Variants in POU2F2 observed in about 807,000 individuals in gnomAD.
The protein encoded by POU2F2 is POU class 2 homeobox 2.
In POU2F2, 14 loss-of-function variants were observed where a neutral mutation model predicts 63.5. The ratio of observed to expected loss-of-function variants is 0.22; its 90% CI spans 0.15 to 0.34. The LOEUF (loss-of-function observed/expected upper bound fraction) is 0.34, where lower values mean the gene tolerates loss of function less well. Among genes scored for constraint, POU2F2 ranks in the 10% least tolerant of loss-of-function variants. The pLI, the probability that POU2F2 is intolerant of heterozygous loss-of-function variation, is 1.00. For missense variants in POU2F2, 607 were observed against 815.2 expected, an observed-to-expected ratio of 0.74 and a Z score of 3.11; for synonymous variants, 306 against 348.6, an observed-to-expected ratio of 0.88 and a Z score of 1.36.
chr19:42,107,226 G>A (rs1311705456), intron 5 of POU2F2, among the ~76,000 whole-genome samples: 1 of 151,920 alleles, frequency 6.6e-6, no homozygotes, highest in African/African-American at 2.4e-5. Context: ...GTGGTGGCGG[G>A]CGCCTGTAGT....
chr19:42,092,075 C>T lies in POU2F2; in HGVS notation c.1460G>A (p.Ser487Asn), dbSNP rs759778502. 1.5e-5 allele frequency: 24 copies of T among 1,598,142 alleles called. No homozygotes were observed. The highest frequency in any genetic ancestry group is 1.9e-5 in the Non-Finnish European group (22 of 1,173,408). The change falls in exon 13 of 15, where the codon AGC becomes AAC. Residue 487 changes from serine (S) to asparagine (N), a missense_variant. Physicochemically the swap from Ser to Asn is conservative, Grantham distance 46. Coordinates refer to ENST00000692977, the MANE Select transcript of POU2F2 (RefSeq NM_001394376.1). This position sits in a 1 kb window ranked among gnomAD's most constrained non-coding sequence, Gnocchi z 5.0. Reference protein sequence around the residue: ...SAIGLSGLNPSTGSTMVGLSS... With the variant: ...SAIGLSGLNPNTGSTMVGLSS... ...CCCACGTGCACCCACTTACCCCGTG[C>T]TGGGGTTCAGGCCTGACAAGCCGAT...
chr19:42,159,746 TC>T (rs2034520770), intron 2 of POU2F2, among the ~76,000 whole-genome samples: 1 of 152,110 alleles, frequency 6.6e-6, no homozygotes, highest in African/African-American at 2.4e-5. Flanking sequence ...TATTTTGAGC[TC>T]CCACTTCCTG....
chr19:42,163,075 C>A (rs1337080628), intron 1 of POU2F2, among the ~76,000 whole-genome samples: 1 of 152,086 alleles, frequency 6.6e-6, no homozygotes, highest in Non-Finnish European at 1.5e-5. Context: ...GTGGGGGCAC[C>A]TCTATCTGAT....
chr19:42,149,847 C>T (rs565657083), intron 2 of POU2F2, among the ~76,000 whole-genome samples: 1 of 152,304 alleles, frequency 6.6e-6, no homozygotes, highest in South Asian at 2.1e-4. Context: ...GAAGGGGCTG[C>T]TCCGGGCAGA....
At chr19:42,179,603 G>T (rs914179383), upstream of POU2F2, among the ~76,000 whole-genome samples, 1 of 152,064 alleles carries the variant, frequency 6.6e-6, no homozygotes, top group Non-Finnish European at 1.5e-5. Context: ...AGCTGCAACC[G>T]CCCTTCGCTT....
At chr19:42,149,437 A>G (rs964759105) in intron 2 of POU2F2, among the ~76,000 whole-genome samples, 5 of 152,130 alleles carry the variant, frequency 3.3e-5, no homozygotes, top group African/African-American at 1.2e-4. Context: ...GGGCTAGACA[A>G]GGGATGTGGG....
chr19:42,113,517 G>A (rs966661315), intron 5 of POU2F2, among the ~76,000 whole-genome samples: 1 of 152,242 alleles, frequency 6.6e-6, no homozygotes, highest in Non-Finnish European at 1.5e-5. Context: ...CAGAGGGCTG[G>A]AAGGGGGGCT....
chr19:42,164,008 C>T (rs1400830041), intron 1 of POU2F2, among the ~76,000 whole-genome samples: 2 of 152,160 alleles, frequency 1.3e-5, no homozygotes, highest in African/African-American at 4.8e-5. Flanking sequence ...TGTAGCATAT[C>T]ATCCCGTTTT....
chr19:42,189,881 A>T (rs896486070), intron 1 of POU2F2, among the ~76,000 whole-genome samples: 2 of 152,098 alleles, frequency 1.3e-5, no homozygotes, highest in Non-Finnish European at 2.9e-5. Flanking sequence ...GCACACCACC[A>T]TACTTGGCTA....
rs903629495 is a variant in POU2F2 at position 42,169,721 on chromosome 19, G to T, written c.-70+6242C>A. On this transcript the variant is annotated intron_variant, in intron 1 of 6. Transcript: ENST00000524801. This position sits in a 1 kb window ranked among gnomAD's most constrained non-coding sequence, Gnocchi z 4.3. ...GTTCAAGACTTACGTGGCCTCTCTA[G>T]TTTGGCGAATGAGTGCGCGCACACG... Among the ~76,000 whole-genome samples the T allele has an allele frequency of 9.2e-5, 14 of 152,110 alleles. No homozygotes were observed. Among genetic ancestry groups the T allele is most frequent in the Admixed American group, 9.2e-4 (14 of 15,284 alleles).
chr19:42,181,939 G>A (rs1402242291), intron 1 of POU2F2, among the ~76,000 whole-genome samples: 3 of 152,092 alleles, frequency 2.0e-5, no homozygotes, highest in African/African-American at 4.8e-5. Context: ...ATTTGTTCGC[G>A]CATCTGTGGC....
chr19:42,154,737 G>T (rs1472439492), intron 2 of POU2F2, among the ~76,000 whole-genome samples: 1 of 151,778 alleles, frequency 6.6e-6, no homozygotes, highest in Non-Finnish European at 1.5e-5. Context: ...AAACTGAAAG[G>T]GGATCACGTC....
At chr19:42,157,661 A>G (rs1304927499) in intron 2 of POU2F2, 1 of 152,336 alleles carries the variant, frequency 6.6e-6, no homozygotes, top group East Asian at 1.9e-4. Flanking sequence ...GAGAGCAGAC[A>G]TTAACCATAT....
intron 2 of POU2F2, among the ~76,000 whole-genome samples, chr19:42,158,814 C>T (rs1351571438): frequency 6.6e-6 from 1 of 152,204 alleles, no homozygotes; most frequent in Non-Finnish European, 1.5e-5. Context: ...AACTTTCAGA[C>T]GTTCCTCAAA....
intron 4 of POU2F2, among the ~76,000 whole-genome samples, chr19:42,120,053 A>T (rs908775199): frequency 1.3e-5 from 2 of 151,854 alleles, no homozygotes; most frequent in African/African-American, 4.8e-5. Flanking sequence ...AGTAGCTGAG[A>T]CTACAGGCAT....
rs1214775974 is a variant in POU2F2 at position 42,155,155 on chromosome 19, TC to T, written c.-9+5176del. 6.6e-6 allele frequency among the ~76,000 whole-genome samples: 1 copy of T among 152,222 alleles called. No individual in the cohort carries two copies. Among genetic ancestry groups the T allele is most frequent in the Non-Finnish European group, 1.5e-5 (1 of 68,028 alleles). ...GCTGCAGCTGCCCCGCACTGTTTTT[TC>T]TTTCTCATTGTCCCCTGCCTTCAGC... On this transcript the variant is annotated intron_variant, in intron 2 of 6. Transcript: ENST00000524801. This position sits in a 1 kb window ranked among gnomAD's most constrained non-coding sequence, Gnocchi z 4.2.
At chr19:42,168,050 T>C (rs1027017100) in intron 1 of POU2F2, among the ~76,000 whole-genome samples, 1 of 152,092 alleles carries the variant, frequency 6.6e-6, no homozygotes, top group African/African-American at 2.4e-5. Context: ...TGACCTCCAT[T>C]CCCTAGCAAA....
intron 11 of POU2F2, among the ~76,000 whole-genome samples, chr19:42,094,807 C>T (rs1463092566): frequency 2.6e-5 from 4 of 152,210 alleles, no homozygotes; most frequent in African/African-American, 4.8e-5. Flanking sequence ...CTCTCTGGAG[C>T]ATCACAGCTC....
chr19:42,174,429 C>A (rs758424720), intron 1 of POU2F2, among the ~76,000 whole-genome samples: 61 of 152,190 alleles, frequency 4.0e-4, no homozygotes, highest in Non-Finnish European at 7.1e-4. Context: ...ACGGCTTCCA[C>A]GCACAGAGCC....
Sources: allele counts gnomAD v4.1 joint callset (sites outside exome capture counted in the v4.1 genomes callset), GRCh38; gene constraint gnomAD v4.1.1; non-coding constraint Gnocchi (gnomAD v3.1); transcripts MANE v1.5; gene names NCBI Gene and HGNC (gene_info 2026-07-23, HGNC 2026-07-21).